The following CTRC variants were observed in gnomAD, a reference collection of about 807,000 sequenced individuals.
CTRC encodes chymotrypsin-C.
Under a neutral mutation model 35.7 loss-of-function variants are expected in CTRC, and 32 were observed. The observed-to-expected ratio is 0.90, with a 90% CI of 0.68 to 1.20. The LOEUF is 1.20. CTRC is among the 50% of genes most tolerant of loss of function. The pLI, the probability that CTRC is intolerant of heterozygous loss-of-function variation, is 0.00. For synonymous variants in CTRC, 119 were observed against 149.5 expected (o/e 0.80, Z 1.49); for missense variants, 324 against 361.5 (o/e 0.90, Z 0.84).
chr1:15,439,512 G>A (rs779888329), intron 1 of CTRC, among the ~76,000 whole-genome samples: 27 of 152,026 alleles, frequency 1.8e-4, no homozygotes, highest in Non-Finnish European at 3.7e-4. Flanking sequence ...GGTTCCGTGC[G>A]ACTTAGTATC....
At chr1:15,445,159 C>T (rs1018314214) in intron 6 of CTRC, among the ~76,000 whole-genome samples, 6 of 152,152 alleles carry the variant, frequency 3.9e-5, no homozygotes, top group Admixed American at 6.5e-5. Flanking sequence ...AGACCAGAAC[C>T]ATAAAACATC....
rs759546641 is a variant in CTRC at position 15,446,871 on chromosome 1, T to C, written c.*282T>C. ...CTGGGGTGGAGAGCCCAGGGAGTCC[T>C]GCGTGAAGCCGGAGGGGATGGGAGT... On this transcript the variant is annotated 3_prime_UTR_variant, in exon 8 of 8. Coordinates refer to ENST00000375949, the MANE Select transcript of CTRC (RefSeq NM_007272.3). 4 of 562,176 alleles carry C rather than the reference T, an allele frequency of 7.1e-6. No individual in the cohort carries two copies. The highest frequency in any genetic ancestry group is 1.9e-5 in the African/African-American group (1 of 52,914). 34.8% of individuals were successfully genotyped at this position (562,176 alleles called of 1,614,324 possible).
At position 15,446,915 on chromosome 1, in the gene CTRC, C is replaced by T. The variant is rs1378704434; in HGVS notation, c.*326C>T. On this transcript the variant is annotated 3_prime_UTR_variant, in exon 8 of 8. Transcript: ENST00000375949. ...TGGGAGTGAAGGACGCATCAGACACCTTCCCCGCTCCATCTCACAAGCTGC... is the reference window on the plus strand; with the variant it reads ...TGGGAGTGAAGGACGCATCAGACACTTTCCCCGCTCCATCTCACAAGCTGC... 4.2e-6 allele frequency: 2 copies of T among 479,066 alleles called. No homozygotes were observed. Among genetic ancestry groups the T allele is most frequent in the Non-Finnish European group, 7.7e-6 (2 of 260,466 alleles). 29.7% of individuals were successfully genotyped at this position (479,066 alleles called of 1,614,324 possible). A position where few individuals can be genotyped will look rare whatever the true frequency, so the allele number is the denominator to read the frequency against.
rs1394369584 is a variant in CTRC at position 15,448,178 on chromosome 1, T to G, written c.*1589T>G. ...TTCCCACCTATCCTCTTCTTTTTTTTTTTTTTTTTTTTGAGACGGAGTCTT... is the reference window on the plus strand; with the variant it reads ...TTCCCACCTATCCTCTTCTTTTTTTGTTTTTTTTTTTTGAGACGGAGTCTT... On this transcript the variant is annotated 3_prime_UTR_variant, in exon 8 of 8. Transcript: ENST00000375949. The G allele has an allele frequency of 3.0e-5, 3 of 99,020 alleles. No homozygotes were observed. The highest frequency in any genetic ancestry group is 1.0e-4 in the African/African-American group (3 of 29,872). The allele number at this position is 99,020 out of a possible 1,614,324, so 6.1% of individuals were successfully genotyped here.
intron 3 of CTRC, 77 bp downstream of exon 3, chr1:15,440,667 T>C: frequency 1.5e-6 from 2 of 1,292,658 alleles, no homozygotes; most frequent in Non-Finnish European, 1.1e-6. Context: ...TCTGAGCAGC[T>C]TCTCCGCACT....
Position 15,445,640 on chromosome 1 carries a change from C to A in CTRC, c.683C>A (p.Ser228Tyr), listed in dbSNP as rs780832496. 10 of 1,614,114 alleles carry A rather than the reference C, an allele frequency of 6.2e-6. No individual in the cohort carries two copies. Among genetic ancestry groups the A allele is most frequent in the Non-Finnish European group, 8.5e-6 (10 of 1,180,056 alleles). ...CTGAACTGCCAGTTGGAGAACGGTT[C>A]CTGGGAGGTGTTTGGCATCGTCAGC... The part of the protein sequence containing the change: ...GPLNCQLENG[S>Y]WEVFGIVSFG... Residue 228 changes from serine to tyrosine, a missense_variant, in exon 7 of 8, where the codon TCC (serine) becomes TAC (tyrosine). Ser to Tyr is a moderately radical substitution (Grantham distance 144). Coordinates refer to ENST00000375949, the MANE Select transcript of CTRC (RefSeq NM_007272.3).
chr1:15,447,005 A>C lies in CTRC; in HGVS notation c.*416A>C, dbSNP rs1043883043. ...TCCTACCTCCACCGAGGGGCCTGGC[A>C]GGTCCTCACAGCCCCCCAGCAGCAG... On this transcript the variant is annotated 3_prime_UTR_variant, in exon 8 of 8. Transcript: ENST00000375949. 1 of 328,754 alleles carries C rather than the reference A, an allele frequency of 3.0e-6. No individual in the cohort carries two copies. Among genetic ancestry groups the C allele is most frequent in the African/African-American group, 2.2e-5 (1 of 46,494 alleles). The allele number at this position is 328,754 out of a possible 1,614,324, so 20.4% of individuals were successfully genotyped here. A position where few individuals can be genotyped will look rare whatever the true frequency, so the allele number is the denominator to read the frequency against.
Position 15,440,366 on chromosome 1 carries a change from C to T in CTRC, c.107C>T (p.Ala36Val). The stretch of plus-strand genomic sequence containing the variant: ...GCCCGAGTGGTGGGAGGAGAGGATG[C>T]CCGGCCCCACAGCTGGCCCTGGCAG... ...LSARVVGGED[A>V]RPHSWPWQIS... Residue 36 changes from alanine (A) to valine (V), a missense_variant, in exon 2 of 8, where the codon GCC becomes GTC. Ala to Val is a moderately conservative substitution (Grantham distance 64, BLOSUM62 0). Coordinates refer to ENST00000375949, the MANE Select transcript of CTRC (RefSeq NM_007272.3). 1 of 1,611,910 alleles carries T rather than the reference C, an allele frequency of 6.2e-7. No individual in the cohort carries two copies. The highest frequency in any genetic ancestry group is 1.1e-5 in the South Asian group (1 of 90,670).
At position 15,438,532 on chromosome 1, in the gene CTRC, G is replaced by A. The variant is rs769782731; in HGVS notation, c.40+28G>A. On this transcript the variant is annotated intron_variant, in intron 1 of 7. Transcript: ENST00000375949. Reference sequence around the variant, plus strand: ...AAGCGGTGGGGTGGGGCTGCAGCTAGCAGGCTGTGAGCTCGGGCTGGCCTC... The same window carrying A: ...AAGCGGTGGGGTGGGGCTGCAGCTAACAGGCTGTGAGCTCGGGCTGGCCTC... The A allele has an allele frequency of 1.5e-5, 25 of 1,613,606 alleles. 1 individual carries two copies. In the South Asian group the frequency reaches 1.8e-4, roughly 11 times the overall value.
rs199897030 is a variant in CTRC, at chr1:15,445,555, G to A, written c.640-42G>A. The A allele has an allele frequency of 1.4e-4, 215 of 1,564,582 alleles. No individual in the cohort carries two copies. In the Admixed American group the frequency reaches 3.0e-3, roughly 22 times the overall value. On this transcript the variant is annotated intron_variant, in intron 6 of 7. Coordinates refer to ENST00000375949, the MANE Select transcript of CTRC (RefSeq NM_007272.3). ...AGTCCTGCTTCCCAAGACTTCCTCT[G>A]GGGGGGGGCCTGGTGGCTTATGCCC...
intron 5 of CTRC, among the ~76,000 whole-genome samples, 184 bp from the exon 6 acceptor site, chr1:15,444,422 G>A (rs551550621): frequency 8.3e-4 from 127 of 152,202 alleles, no homozygotes; most frequent in African/African-American, 3.0e-3. Flanking sequence ...TCTGCCGGCA[G>A]CCTGCTCCTG....
In CTRC at chr1:15,447,037, G is replaced by T; in HGVS notation, c.*448G>T. On this transcript the variant is annotated 3_prime_UTR_variant, in exon 8 of 8. Transcript: ENST00000375949. ...CACAGCCCCCCAGCAGCAGGTGGAA[G>T]ACAGGGTCTCCCCAAAAGCAGCGTC... The T allele has an allele frequency of 3.1e-6, 1 of 319,186 alleles. No individual in the cohort carries two copies. 19.8% of individuals were successfully genotyped at this position (319,186 alleles called of 1,614,324 possible). A position where few individuals can be genotyped will look rare whatever the true frequency, so the allele number is the denominator to read the frequency against.
Position 15,446,685 on chromosome 1 carries a change from G to A in CTRC, c.*96G>A, listed in dbSNP as rs768979718. On this transcript the variant is annotated 3_prime_UTR_variant, in exon 8 of 8. Coordinates refer to ENST00000375949, the MANE Select transcript of CTRC (RefSeq NM_007272.3). ...ATCCTTGATTTGTGCAGCTTCTGTTGCTTCCCTCCTCTCTGGTGCTGCCCC... is the reference window on the plus strand; with the variant it reads ...ATCCTTGATTTGTGCAGCTTCTGTTACTTCCCTCCTCTCTGGTGCTGCCCC... 2.1e-6 allele frequency: 3 copies of A among 1,407,454 alleles called. No homozygotes were observed. The highest frequency in any genetic ancestry group is 4.6e-5 in the East Asian group (2 of 43,938). The allele number at this position is 1,407,454 out of a possible 1,614,324, so 87.2% of individuals were successfully genotyped here.
chr1:15,445,648 G>A lies in CTRC; in HGVS notation c.691G>A (p.Val231Met), dbSNP rs1274366804. 1.2e-6 allele frequency: 2 copies of A among 1,614,094 alleles called. No homozygotes were observed. The highest frequency in any genetic ancestry group is 2.2e-5 in the East Asian group (1 of 44,896). Reference protein sequence around the residue: ...NCQLENGSWEVFGIVSFGSRR... With the variant: ...NCQLENGSWEMFGIVSFGSRR... ...CCAGTTGGAGAACGGTTCCTGGGAG[G>A]TGTTTGGCATCGTCAGCTTTGGCTC... is the stretch of plus-strand genomic sequence containing the variant. Residue 231 changes from valine (V) to methionine (M), a missense_variant, in exon 7 of 8, where the codon GTG becomes ATG. Physicochemically the swap from Val to Met is conservative, Grantham distance 21. Transcript: ENST00000375949.
intron 7 of CTRC, 122 bp downstream of exon 7, chr1:15,445,871 C>A: frequency 2.6e-6 from 3 of 1,163,324 alleles, no homozygotes; most frequent in East Asian, 2.4e-5. Flanking sequence ...CTCATTCATG[C>A]ATTTATTCAC....
rs1371723458 is a variant in CTRC, at chr1:15,444,760, C to T, written c.639+9C>T. 6.2e-7 allele frequency: 1 copy of T among 1,614,184 alleles called. No individual in the cohort carries two copies. Among genetic ancestry groups the T allele is most frequent in the South Asian group, 1.1e-5 (1 of 91,088 alleles). On this transcript the variant is annotated intron_variant, in intron 6 of 7. Coordinates refer to ENST00000375949, the MANE Select transcript of CTRC (RefSeq NM_007272.3). ...TCATCTCAGCCTGCAATGTGAGTGG[C>T]TAGGTTCTGCACCTTGTCCCTACTC...
chr1:15,440,250 G>T lies in CTRC; in HGVS notation c.41-50G>T, dbSNP rs1461691297. The stretch of plus-strand genomic sequence containing the variant: ...TGCCCACCCTCCCACCCCTTTCCCC[G>T]TGGGCTACCAGCCCTATTCACTGGT... On this transcript the variant is annotated intron_variant, in intron 1 of 7. Transcript: ENST00000375949. 3 of 142,822 alleles carry T rather than the reference G, an allele frequency of 2.1e-5. No individual in the cohort carries two copies. In the African/African-American group the frequency reaches 3.7e-4, roughly 17 times the overall value. The allele number at this position is 142,822 out of a possible 1,614,324, so 8.8% of individuals were successfully genotyped here.
chr1:15,440,226 G>GGGCCCCCCC, intron 1 of CTRC, 74 bp from the exon 2 acceptor site: 1 of 523,580 alleles, frequency 1.9e-6, no homozygotes, highest in Non-Finnish European at 3.7e-6. Flanking sequence ...TCTTCCACCT[G>GGGCCCCCCC]CCCACCCTCC....
chr1:15,438,744 G>T (rs1256273393), intron 1 of CTRC, among the ~76,000 whole-genome samples: 1 of 152,154 alleles, frequency 6.6e-6, no homozygotes, highest in Non-Finnish European at 1.5e-5. Flanking sequence ...TAGAAATGAG[G>T]TGTGGAAAGC....
Sources: gnomAD v4.1 joint callset for allele counts (sites outside exome capture counted in the v4.1 genomes callset) on GRCh38, gnomAD v4.1.1 for gene constraint, MANE v1.5 for transcripts, NCBI Gene and HGNC (gene_info 2026-07-23, HGNC 2026-07-21) for gene names.